Variants in POLR3H observed in about 807,000 individuals in gnomAD.
POLR3H encodes DNA-directed RNA polymerase III subunit RPC8.
Under a neutral mutation model 25.5 loss-of-function variants are expected in POLR3H, and 17 were observed. That is an observed-to-expected ratio of 0.67 (90% CI 0.46 to 1.00). The LOEUF (loss-of-function observed/expected upper bound fraction) is 1.00, where lower values mean the gene tolerates loss of function less well. Ranked by LOEUF, POLR3H falls within the 50% of genes least tolerant of loss-of-function variation. The pLI is 0.00. For missense variants in POLR3H, 274 were observed against 265.0 expected (o/e 1.03, Z -0.24); for synonymous variants, 129 against 103.0 (o/e 1.25, Z -1.53).
At position 41,529,819 on chromosome 22, in the gene POLR3H, G is replaced by A. The variant is rs185527458; in HGVS notation, c.562-483C>T. 912 of 405,904 alleles carry A rather than the reference G, an allele frequency of 2.2e-3. 1 individual carries two copies. The highest frequency in any genetic ancestry group is 3.6e-3 in the Non-Finnish European group (735 of 204,830). 25.1% of individuals were successfully genotyped at this position (405,904 alleles called of 1,614,324 possible). A position where few individuals can be genotyped will look rare whatever the true frequency, so the allele number is the denominator to read the frequency against. On this transcript the variant is annotated intron_variant, in intron 5 of 5. Coordinates refer to ENST00000355209, the MANE Select transcript of POLR3H (RefSeq NM_001018050.4). ...CACCCGGGCTGGAGTGGAGTGGCAC[G>A]ATCTTGGCTCACTGCAACCTCCACC...
chr22:41,531,696 C>T (rs1810460), intron 4 of POLR3H, among the ~76,000 whole-genome samples: 30,026 of 152,230 alleles, frequency 0.2, 3,713 homozygotes, highest in Admixed American at 0.38. Context: ...TCTTAGCCCA[C>T]GACCCGGCAC....
chr22:41,539,788 G>A (rs920875164), intron 2 of POLR3H: 4 of 152,842 alleles, frequency 2.6e-5, no homozygotes, highest in African/African-American at 9.6e-5. Flanking sequence ...CAGGCCCCCA[G>A]TAACCAACCA....
chr22:41,533,434 C>T, intron 2 of POLR3H: 10 of 1,030,082 alleles, frequency 9.7e-6, no homozygotes, highest in Non-Finnish European at 1.2e-5. Context: ...AGAGTTCCCA[C>T]CGTGAGGATA....
chr22:41,531,855 C>G (rs971041360), intron 4 of POLR3H, among the ~76,000 whole-genome samples: 1 of 152,230 alleles, frequency 6.6e-6, no homozygotes, highest in East Asian at 1.9e-4. Context: ...GTGCAGTGTA[C>G]AACCCAGACA....
At chr22:41,541,137 A>T (rs9607811) in intron 1 of POLR3H, among the ~76,000 whole-genome samples, 1 of 152,190 alleles carries the variant, frequency 6.6e-6, no homozygotes, top group Non-Finnish European at 1.5e-5. Context: ...ATAAAGAGAG[A>T]TAACAGATGT....
Position 41,525,912 on chromosome 22 carries a change from C to A in POLR3H, c.*3371G>T, listed in dbSNP as rs947184903. ...GAGACTAATCAGTCATCAGCCAGGA[C>A]CCAGGCATGTCCTGGGCTCCTGTGT... On this transcript the variant is annotated 3_prime_UTR_variant, in exon 6 of 6. Transcript: ENST00000355209. The A allele has an allele frequency of 4.1e-6, 1 of 242,920 alleles. No homozygotes were observed. Among genetic ancestry groups the A allele is most frequent in the African/African-American group, 2.2e-5 (1 of 44,516 alleles). The allele number at this position is 242,920 out of a possible 1,614,324, so 15.0% of individuals were successfully genotyped here.
chr22:41,529,232 G>T lies in POLR3H; in HGVS notation c.*51C>A. The stretch of plus-strand genomic sequence containing the variant: ...CTCAGCTGCTGTTGTCTTCACAGCC[G>T]GCCATACCACCTTCCCGCAGGCTGG... On this transcript the variant is annotated 3_prime_UTR_variant, in exon 6 of 6. Transcript: ENST00000355209. The T allele has an allele frequency of 6.6e-7, 1 of 1,522,374 alleles. No homozygotes were observed. 94.3% of individuals were successfully genotyped at this position (1,522,374 alleles called of 1,614,324 possible).
At position 41,544,000 on chromosome 22, in the gene POLR3H, C is replaced by A. The variant is rs1366269681; in HGVS notation, c.102G>T (p.Leu34Phe). ...GCCGTGGGCCCAGTACCTTGTTGGC[C>A]AACTTCTTGTTCAGCTCCTCGGCAA... Reference protein sequence around the residue: ...DSIAEELNKKLANKVVYNVGL... With the variant: ...DSIAEELNKKFANKVVYNVGL... Residue 34 changes from leucine (L) to phenylalanine (F), a missense_variant, in exon 1 of 6, where the codon TTG (leucine) becomes TTT (phenylalanine). Leu to Phe is a conservative substitution (Grantham distance 22, BLOSUM62 0). Coordinates refer to ENST00000355209, the MANE Select transcript of POLR3H (RefSeq NM_001018050.4). The A allele has an allele frequency of 6.2e-7, 1 of 1,613,170 alleles. No homozygotes were observed. Among genetic ancestry groups the A allele is most frequent in the African/African-American group, 1.3e-5 (1 of 74,930 alleles).
At position 41,528,798 on chromosome 22, in the gene POLR3H, GC is replaced by G. The variant is rs1350269572; in HGVS notation, c.*484del. 3 of 778,430 alleles carry G rather than the reference GC, an allele frequency of 3.9e-6. No individual in the cohort carries two copies. Among genetic ancestry groups the G allele is most frequent in the Non-Finnish European group, 5.9e-6 (3 of 508,964 alleles). The allele number at this position is 778,430 out of a possible 1,614,324, so 48.2% of individuals were successfully genotyped here. A position where few individuals can be genotyped will look rare whatever the true frequency, so the allele number is the denominator to read the frequency against. The stretch of plus-strand genomic sequence containing the variant: ...GGGGGGTTCTTAAAATAACTTTTTA[GC>G]CCCCGTCTTCCTATTTTGAGTTTGG... On this transcript the variant is annotated 3_prime_UTR_variant, in exon 6 of 6. Transcript: ENST00000355209.
In POLR3H at chr22:41,530,708, C is replaced by A; in HGVS notation, c.540G>T (p.Lys180Asn). The change falls in exon 5 of 6, where the codon AAG becomes AAT. Residue 180 changes from lysine to asparagine, a missense_variant. By Grantham distance (94) the Lys-to-Asn change is moderately conservative. Transcript: ENST00000355209. ...TCACCACAAGCGTGTACGGAGCCTCCTTCTTTGGCAGCTCCTCACTGGAAG... is the reference window on the plus strand; with the variant it reads ...TCACCACAAGCGTGTACGGAGCCTCATTCTTTGGCAGCTCCTCACTGGAAG... ...ATTSSEELPK[K>N]EAPYTLVGSI... 1 of 1,613,366 alleles carries A rather than the reference C, an allele frequency of 6.2e-7. No individual in the cohort carries two copies. The highest frequency in any genetic ancestry group is 8.5e-7 in the Non-Finnish European group (1 of 1,179,894).
chr22:41,532,577 C>G (rs1292003226), intron 3 of POLR3H, 82 bp downstream of exon 3: 6 of 1,610,180 alleles, frequency 3.7e-6, no homozygotes, highest in Non-Finnish European at 5.1e-6. Context: ...CCTGAGCCCT[C>G]CCCTGACCAT....
At chr22:41,532,557 G>A (rs761177397) in intron 3 of POLR3H, 102 bp downstream of exon 3, 19 of 1,592,342 alleles carry the variant, frequency 1.2e-5, no homozygotes, top group African/African-American at 5.4e-5. Flanking sequence ...GGGAAGGTTC[G>A]GCCTCGACAC....
chr22:41,526,379 G>A lies in POLR3H; in HGVS notation c.*2904C>T, dbSNP rs145042292. The A allele has an allele frequency of 3.8e-4, 621 of 1,613,724 alleles. No individual in the cohort carries two copies. Among genetic ancestry groups the A allele is most frequent in the Admixed American group, 5.0e-4 (30 of 60,014 alleles). ...CATTGGTGCCATCAACATTGAAAAC[G>A]GCAAGGCCAACTCCGTGCGCAATGC... is the stretch of plus-strand genomic sequence containing the variant. On this transcript the variant is annotated 3_prime_UTR_variant, in exon 6 of 6. Transcript: ENST00000355209.
rs777740494 is a variant in POLR3H at position 41,528,997 on chromosome 22, G to T, written c.*286C>A. The T allele has an allele frequency of 1.9e-5, 10 of 536,220 alleles. No homozygotes were observed. The highest frequency in any genetic ancestry group is 3.0e-5 in the Non-Finnish European group (9 of 304,192). 33.2% of individuals were successfully genotyped at this position (536,220 alleles called of 1,614,324 possible). A position where few individuals can be genotyped will look rare whatever the true frequency, so the allele number is the denominator to read the frequency against. On this transcript the variant is annotated 3_prime_UTR_variant, in exon 6 of 6. Transcript: ENST00000355209. ...CCAGTGACTGTTCTGTGAGTGATTGGTGTCTGTGCCGTTTGTTGTCAAGTC... is the reference window on the plus strand; with the variant it reads ...CCAGTGACTGTTCTGTGAGTGATTGTTGTCTGTGCCGTTTGTTGTCAAGTC...
Position 41,526,742 on chromosome 22 carries a change from C to CA in POLR3H, c.*2540dup, listed in dbSNP as rs1370344540. ...AAGGAAGGGGGCCGACTCAGGAAGTCAGAGGCCAAAAGCTCAGAGAGGGGG... is the reference window on the plus strand; with the variant it reads ...AAGGAAGGGGGCCGACTCAGGAAGTCAAGAGGCCAAAAGCTCAGAGAGGGGG... On this transcript the variant is annotated 3_prime_UTR_variant, in exon 6 of 6. Transcript: ENST00000355209. 2 of 386,188 alleles carry CA rather than the reference C, an allele frequency of 5.2e-6. No homozygotes were observed. Among genetic ancestry groups the CA allele is most frequent in the African/African-American group, 4.1e-5 (2 of 49,218 alleles). 23.9% of individuals were successfully genotyped at this position (386,188 alleles called of 1,614,324 possible). A position where few individuals can be genotyped will look rare whatever the true frequency, so the allele number is the denominator to read the frequency against.
chr22:41,526,694 G>A lies in POLR3H; in HGVS notation c.*2589C>T, dbSNP rs2066604760. ...GAGGAGTTAGTGAGAGATATCTTAG[G>A]ATATCTGGCCCTAGACAAAGACAAG... On this transcript the variant is annotated 3_prime_UTR_variant, in exon 6 of 6. Coordinates refer to ENST00000355209, the MANE Select transcript of POLR3H (RefSeq NM_001018050.4). 4.2e-6 allele frequency: 2 copies of A among 475,870 alleles called. No individual in the cohort carries two copies. Among genetic ancestry groups the A allele is most frequent in the Admixed American group, 7.1e-5 (2 of 28,066 alleles). The allele number at this position is 475,870 out of a possible 1,614,324, so 29.5% of individuals were successfully genotyped here.
In POLR3H at chr22:41,528,285, C is replaced by A; in HGVS notation, c.*998G>T. 1.1e-6 allele frequency: 1 copy of A among 879,076 alleles called. No homozygotes were observed. The highest frequency in any genetic ancestry group is 1.7e-6 in the Non-Finnish European group (1 of 589,732). The allele number at this position is 879,076 out of a possible 1,614,324, so 54.5% of individuals were successfully genotyped here. A position where few individuals can be genotyped will look rare whatever the true frequency, so the allele number is the denominator to read the frequency against. ...GGGGACAGCCCACCCACTGCAGGACCCTCTGGGCCCCAGGAATCCCCTGTA... is the reference window on the plus strand; with the variant it reads ...GGGGACAGCCCACCCACTGCAGGACACTCTGGGCCCCAGGAATCCCCTGTA... On this transcript the variant is annotated 3_prime_UTR_variant, in exon 6 of 6. Coordinates refer to ENST00000355209, the MANE Select transcript of POLR3H (RefSeq NM_001018050.4).
In POLR3H at chr22:41,538,764, G is replaced by T. The variant is rs189615677; in HGVS notation, c.208+1935C>A. Among the ~76,000 whole-genome samples the T allele has an allele frequency of 2.2e-3, 338 of 152,316 alleles. 1 individual carries two copies. The highest frequency in any genetic ancestry group is 7.9e-3 in the African/African-American group (328 of 41,558). On this transcript the variant is annotated intron_variant, in intron 2 of 5. Coordinates refer to ENST00000355209, the MANE Select transcript of POLR3H (RefSeq NM_001018050.4). ...AATGCTCCTAGTCTGTACAAAGACAGCCTGTTTCTTCGGCCTCTCGGCGTA... is the reference window on the plus strand; with the variant it reads ...AATGCTCCTAGTCTGTACAAAGACATCCTGTTTCTTCGGCCTCTCGGCGTA...
intron 2 of POLR3H, chr22:41,533,731 G>C: frequency 4.6e-6 from 6 of 1,303,248 alleles, no homozygotes; most frequent in Non-Finnish European, 6.1e-6. Flanking sequence ...CCATGAAGAT[G>C]ACTGGGCCTT....
Sources: allele counts gnomAD v4.1 joint callset (sites outside exome capture counted in the v4.1 genomes callset), GRCh38; gene constraint gnomAD v4.1.1; transcripts MANE v1.5; gene names NCBI Gene and HGNC (gene_info 2026-07-23, HGNC 2026-07-21).